The following KCNMB2 variants were observed in gnomAD, a reference collection of about 807,000 sequenced individuals.
KCNMB2 encodes potassium calcium-activated channel subfamily M regulatory beta subunit 2, also known as calcium-activated potassium channel subunit beta-2.
KCNMB2 carries 9 observed loss-of-function variants against 24.5 expected under a neutral mutation model. That is an observed-to-expected ratio of 0.37 (90% CI 0.22 to 0.64). The LOEUF (loss-of-function observed/expected upper bound fraction) is 0.64. Among genes scored for constraint, KCNMB2 ranks in the 30% least tolerant of loss-of-function variants. KCNMB2 has a pLI of 0.63. For missense variants in KCNMB2, 226 were observed against 284.3 expected, an observed-to-expected ratio of 0.79 and a Z score of 1.47; for synonymous variants, 109 against 104.4, an observed-to-expected ratio of 1.04 and a Z score of -0.27.
chr3:178,708,663 G>A (rs75391999), intron 1 of KCNMB2, among the ~76,000 whole-genome samples: 4,875 of 152,116 alleles, frequency 0.032, 200 homozygotes, highest in East Asian at 0.17. Flanking sequence ...TATACCATGA[G>A]CTATGTTGAT....
intron 1 of KCNMB2, among the ~76,000 whole-genome samples, chr3:178,781,897 G>C (rs901901436): frequency 1.4e-5 from 2 of 143,206 alleles, no homozygotes; most frequent in African/African-American, 5.2e-5. Flanking sequence ...CCACTAACTC[G>C]TCATCTAGCA....
chr3:178,679,112 G>A (rs1721178937), intron 1 of KCNMB2, among the ~76,000 whole-genome samples: 1 of 151,306 alleles, frequency 6.6e-6, no homozygotes, highest in South Asian at 2.1e-4. Flanking sequence ...GTGCAGGTTA[G>A]TTACATATGT....
At chr3:178,612,780 A>G (rs978506902) in intron 1 of KCNMB2, among the ~76,000 whole-genome samples, 3 of 151,414 alleles carry the variant, frequency 2.0e-5, no homozygotes, top group African/African-American at 7.3e-5. Flanking sequence ...TCATTTTGTT[A>G]TTTGTTTTCT....
chr3:178,730,239 T>A (rs1216491730), intron 1 of KCNMB2, among the ~76,000 whole-genome samples: 1 of 152,210 alleles, frequency 6.6e-6, no homozygotes, highest in Non-Finnish European at 1.5e-5. Context: ...CCCTATGATC[T>A]GCAAATTATC....
intron 2 of KCNMB2, among the ~76,000 whole-genome samples, chr3:178,817,227 A>ATATATATATATATATATAT (rs1408060884): frequency 5.4e-5 from 8 of 148,346 alleles, no homozygotes; most frequent in East Asian, 4.0e-4. Context: ...ATATATATAT[A>ATATATATATATATATATAT]AATGAAGTGT....
chr3:178,585,949 T>C (rs1717414073), intron 1 of KCNMB2, among the ~76,000 whole-genome samples: 1 of 152,216 alleles, frequency 6.6e-6, no homozygotes, highest in South Asian at 2.1e-4. Context: ...GTGTGTGTGG[T>C]ACAACAGAAG....
intron 1 of KCNMB2, among the ~76,000 whole-genome samples, chr3:178,652,482 T>C (rs1011852154): frequency 2.0e-5 from 3 of 152,142 alleles, no homozygotes; most frequent in Admixed American, 2.0e-4. Flanking sequence ...AAATCATGTA[T>C]TTTTTTCTCC....
In KCNMB2 at chr3:178,810,358, A is replaced by T. The variant is rs551313868; in HGVS notation, c.56+2893A>T. 3.9e-5 allele frequency among the ~76,000 whole-genome samples: 6 copies of T among 152,308 alleles called. No individual in the cohort carries two copies. The East Asian group carries it at 1.2e-3, about 29-fold the overall frequency. On this transcript the variant is annotated intron_variant, in intron 2 of 4. Transcript: ENST00000452583. ...AGCAATCCCAGAAGCCAGGCCATAC[A>T]AAATCCTCAGCTGCTCTCCACACCT...
chr3:178,762,854 A>C (rs888995905), intron 1 of KCNMB2, among the ~76,000 whole-genome samples: 1 of 152,056 alleles, frequency 6.6e-6, no homozygotes, highest in Non-Finnish European at 1.5e-5. Context: ...GAGTTGAAAA[A>C]AAAAAAAAAA....
chr3:178,547,443 A>C (rs1277440813), intron 1 of KCNMB2, among the ~76,000 whole-genome samples: 2 of 152,166 alleles, frequency 1.3e-5, no homozygotes, highest in Non-Finnish European at 2.9e-5. Flanking sequence ...AACTGGATAG[A>C]TGGTGAGATT....
chr3:178,813,793 T>C (rs183617304), intron 2 of KCNMB2, among the ~76,000 whole-genome samples: 1 of 152,354 alleles, frequency 6.6e-6, no homozygotes. Flanking sequence ...TGTATTCTAT[T>C]TTCTCCCATT....
intron 4 of KCNMB2, 52 bp downstream of exon 4, chr3:178,828,425 G>C: frequency 7.3e-7 from 1 of 1,365,786 alleles, no homozygotes; most frequent in Non-Finnish European, 1.0e-6. Context: ...TTCACACCAG[G>C]CTCTCTGCCT....
chr3:178,582,665 T>C (rs2084739998), intron 1 of KCNMB2, among the ~76,000 whole-genome samples: 1 of 152,200 alleles, frequency 6.6e-6, no homozygotes, highest in African/African-American at 2.4e-5. Context: ...TTCTCACATC[T>C]ATCACTAATT....
rs573323356 is a variant in KCNMB2 at position 178,684,844 on chromosome 3, A to C, written c.-67-122499A>C. 2.8e-4 allele frequency among the ~76,000 whole-genome samples: 42 copies of C among 152,258 alleles called. 1 individual carries two copies. Among genetic ancestry groups the C allele is most frequent in the Middle Eastern group, 6.8e-3 (2 of 294 alleles). On this transcript the variant is annotated intron_variant, in intron 1 of 4. Transcript: ENST00000452583. ...GAAACTCCGTCTCAAAAAATAAATAAATAGTGTGTTATTTTGCTTCATTAT... is the reference window on the plus strand; with the variant it reads ...GAAACTCCGTCTCAAAAAATAAATACATAGTGTGTTATTTTGCTTCATTAT...
At chr3:178,580,556 A>T (rs969922265) in intron 1 of KCNMB2, among the ~76,000 whole-genome samples, 5 of 152,232 alleles carry the variant, frequency 3.3e-5, no homozygotes, top group Non-Finnish European at 7.3e-5. Context: ...GTATTCAAAT[A>T]GGAAGAGAGG....
At chr3:178,629,523 C>A (rs1386366657) in intron 1 of KCNMB2, among the ~76,000 whole-genome samples, 3 of 152,034 alleles carry the variant, frequency 2.0e-5, no homozygotes, top group Admixed American at 2.0e-4. Context: ...GTGTTATAAT[C>A]AGAGAGATTG....
chr3:178,701,290 G>A (rs1722082906), intron 1 of KCNMB2, among the ~76,000 whole-genome samples: 1 of 152,018 alleles, frequency 6.6e-6, no homozygotes, highest in Non-Finnish European at 1.5e-5. Flanking sequence ...TATTTCTGAG[G>A]GCTCTGTTCT....
intron 1 of KCNMB2, among the ~76,000 whole-genome samples, chr3:178,573,061 G>A (rs1336644316): frequency 6.6e-6 from 1 of 151,944 alleles, no homozygotes; most frequent in Non-Finnish European, 1.5e-5. Flanking sequence ...CCAGGTTAGA[G>A]GACAGTGGCA....
chr3:178,637,520 A>C (rs1316836059), intron 1 of KCNMB2, among the ~76,000 whole-genome samples: 2 of 152,242 alleles, frequency 1.3e-5, no homozygotes, highest in African/African-American at 4.8e-5. Context: ...TTTAGAAGAT[A>C]GTTAATTACA....
Sources: allele counts gnomAD v4.1 joint callset (sites outside exome capture counted in the v4.1 genomes callset), GRCh38; gene constraint gnomAD v4.1.1; transcripts MANE v1.5; gene names NCBI Gene and HGNC (gene_info 2026-07-23, HGNC 2026-07-21).